COQ2: variants seen among roughly 807,000 people sequenced by gnomAD.
COQ2 encodes the protein 4-hydroxybenzoate polyprenyltransferase, mitochondrial.
Under a neutral mutation model 35.7 loss-of-function variants are expected in COQ2, and 25 were observed. That is an observed-to-expected ratio of 0.70 (90% confidence interval 0.51 to 0.98). The LOEUF is 0.98. COQ2 is among the 50% of genes least tolerant of loss of function. The pLI is 0.00. For synonymous variants in COQ2, 206 were observed against 186.2 expected (o/e 1.11, Z -0.86); for missense variants, 488 against 473.5 (o/e 1.03, Z -0.28).
intron 5 of COQ2, among the ~76,000 whole-genome samples, chr4:83,269,450 G>A (rs1429108107): frequency 6.6e-6 from 1 of 152,108 alleles, no homozygotes; most frequent in Non-Finnish European, 1.5e-5. Flanking sequence ...GGTTTGAATC[G>A]CAGTTCTGCC....
chr4:83,264,500 G>A (rs1395262034), intron 6 of COQ2, 137 bp from the exon 7 acceptor site: 12 of 1,272,140 alleles, frequency 9.4e-6, no homozygotes, highest in South Asian at 3.6e-5. Flanking sequence ...AGCTAGGCAC[G>A]AAGGCACATG....
intron 1 of COQ2, among the ~76,000 whole-genome samples, chr4:83,282,228 G>A (rs1735342075): frequency 6.6e-6 from 1 of 152,156 alleles, no homozygotes. Flanking sequence ...TGGAAAGAGT[G>A]CCACCTGCTG....
chr4:83,284,927 C>T (rs1364865428), upstream of COQ2: 1 of 1,481,400 alleles, frequency 6.8e-7, no homozygotes, highest in Non-Finnish European at 8.9e-7. Flanking sequence ...TGGTCGCTTA[C>T]TCTAGGGAGG....
At chr4:83,264,783 G>C (rs1007585266) in intron 6 of COQ2, among the ~76,000 whole-genome samples, 1 of 152,190 alleles carries the variant, frequency 6.6e-6, no homozygotes, top group African/African-American at 2.4e-5. Flanking sequence ...GATTTAGAAC[G>C]TTCTTCCTTA....
At chr4:83,277,294 A>C (rs192209358) in intron 2 of COQ2, among the ~76,000 whole-genome samples, 343 of 152,286 alleles carry the variant, frequency 2.3e-3, no homozygotes, top group Non-Finnish European at 2.6e-3. Context: ...CTCTTCTACT[A>C]CACCCCATAT....
At chr4:83,283,640 C>A in intron 1 of COQ2, 1 of 985,430 alleles carries the variant, frequency 1.0e-6, no homozygotes, top group African/African-American at 1.7e-5. Context: ...ACCAAATAGT[C>A]TTTTTCAACT....
At chr4:83,273,010 G>A (rs193144919) in intron 3 of COQ2, among the ~76,000 whole-genome samples, 232 of 152,212 alleles carry the variant, frequency 1.5e-3, no homozygotes, top group Admixed American at 3.6e-3. Flanking sequence ...CAAAAGTTTC[G>A]TTTTGTCTTG....
rs1734854152 is a variant in COQ2 at position 83,264,159 on chromosome 4, G to T, written c.*40C>A. ...TTGTATTCAAATCTAATTATATTTT[G>T]TAAAAAATGTTTTAAAAATTCCTAG... On this transcript the variant is annotated 3_prime_UTR_variant, in exon 7 of 7. Transcript: ENST00000647002. 2 of 977,698 alleles carry T rather than the reference G, an allele frequency of 2.0e-6. No individual in the cohort carries two copies. Among genetic ancestry groups the T allele is most frequent in the Admixed American group, 3.4e-5 (1 of 29,326 alleles). The allele number at this position is 977,698 out of a possible 1,614,324, so 60.6% of individuals were successfully genotyped here.
chr4:83,276,016 T>TAAAATATATATTTTTATATAATATATAA (rs1355810168), intron 2 of COQ2, among the ~76,000 whole-genome samples: 2 of 62,220 alleles, frequency 3.2e-5, no homozygotes, highest in African/African-American at 8.2e-5. Flanking sequence ...ATATTATATA[T>TAAAATATATATTTTTATATAATATATAA]AATATATATT....
chr4:83,271,995 T>C, intron 4 of COQ2, 92 bp downstream of exon 4: 2 of 815,306 alleles, frequency 2.5e-6, no homozygotes, highest in Non-Finnish European at 1.9e-6. Context: ...CATGACTGAT[T>C]TGTCATTTCA....
intron 1 of COQ2, among the ~76,000 whole-genome samples, chr4:83,281,838 T>G (rs530640531): frequency 6.6e-6 from 1 of 152,170 alleles, no homozygotes; most frequent in Non-Finnish European, 1.5e-5. Flanking sequence ...AAGGTGGTAT[T>G]CCAACCCAGA....
chr4:83,279,627 C>T (rs954480238), intron 1 of COQ2, among the ~76,000 whole-genome samples: 4 of 151,862 alleles, frequency 2.6e-5, no homozygotes, highest in South Asian at 2.1e-4. Flanking sequence ...AACATTCATG[C>T]GTCAATGTTA....
Position 83,270,048 on chromosome 4 carries a change from A to C in COQ2, c.629-55T>G, listed in dbSNP as rs1005658089. On this transcript the variant is annotated intron_variant, in intron 4 of 6. Coordinates refer to ENST00000647002, the MANE Select transcript of COQ2 (RefSeq NM_001358921.2). ...AAGTCTGTATGTACTTTAGAATCCTAAAGGGAAGGAGTGGCATCGGAGTGT... is the reference window on the plus strand; with the variant it reads ...AAGTCTGTATGTACTTTAGAATCCTCAAGGGAAGGAGTGGCATCGGAGTGT... 3.1e-6 allele frequency: 5 copies of C among 1,587,720 alleles called. No homozygotes were observed. The African/African-American group carries it at 6.8e-5, about 22-fold the overall frequency.
At chr4:83,282,340 T>C (rs1343821014) in intron 1 of COQ2, among the ~76,000 whole-genome samples, 9 of 152,178 alleles carry the variant, frequency 5.9e-5, no homozygotes, top group African/African-American at 9.7e-5. Context: ...TAACAAGATA[T>C]AACTTCAACA....
At chr4:83,267,538 T>A (rs1425696188) in intron 6 of COQ2, 48 bp downstream of exon 6, 2 of 1,476,606 alleles carry the variant, frequency 1.4e-6, no homozygotes, top group Admixed American at 5.5e-5. Context: ...ATAATTTTTA[T>A]AATTTATACC....
intron 6 of COQ2, among the ~76,000 whole-genome samples, chr4:83,264,852 C>T (rs977784638): frequency 3.3e-5 from 5 of 152,194 alleles, no homozygotes; most frequent in East Asian, 1.9e-4. Context: ...CTGGTTTTAG[C>T]GTCTGCAGCA....
At chr4:83,283,965 G>A in intron 1 of COQ2, 1 of 985,456 alleles carries the variant, frequency 1.0e-6, no homozygotes, top group Non-Finnish European at 1.2e-6. Context: ...CCTTATGGGT[G>A]ATGCAGGTAA....
chr4:83,269,916 G>A lies in COQ2; in HGVS notation c.706C>T (p.Leu236Phe), dbSNP rs776124921. 2 of 1,612,596 alleles carry A rather than the reference G, an allele frequency of 1.2e-6. No individual in the cohort carries two copies. Among genetic ancestry groups the A allele is most frequent in the South Asian group, 1.1e-5 (1 of 90,998 alleles). The change falls in exon 5 of 7, where the codon CTT (leucine) becomes TTT (phenylalanine). Residue 236 changes from leucine to phenylalanine, a missense_variant. Transcript: ENST00000647002. ...GTCCACATAACTCCAGAAAAATAAAGAGGCAGGCAAACAGATGGATCACAG... is the reference window on the plus strand; with the variant it reads ...GTCCACATAACTCCAGAAAAATAAAAAGGCAGGCAAACAGATGGATCACAG... ...GSCDPSVCLP[L>F]YFSGVMWTLI...
chr4:83,265,805 C>T (rs1734905214), intron 6 of COQ2, among the ~76,000 whole-genome samples: 1 of 151,910 alleles, frequency 6.6e-6, no homozygotes, highest in African/African-American at 2.4e-5. Flanking sequence ...GCTGGAATTA[C>T]AGGTGCACAC....
Sources: gnomAD v4.1 joint callset for allele counts (sites outside exome capture counted in the v4.1 genomes callset) on GRCh38, gnomAD v4.1.1 for gene constraint, MANE v1.5 for transcripts, NCBI Gene and HGNC (gene_info 2026-07-23, HGNC 2026-07-21) for gene names.